The following SLC8A3 variants were observed in gnomAD, a reference collection of about 807,000 sequenced individuals.
The protein encoded by SLC8A3 is sodium/calcium exchanger 3.
In SLC8A3, 37 loss-of-function variants were observed where a neutral mutation model predicts 65.4. That is an observed-to-expected ratio of 0.57 (90% CI 0.44 to 0.74). SLC8A3 has a LOEUF of 0.74. SLC8A3 is among the 30% of genes least tolerant of loss of function. The pLI is 0.00. For synonymous variants in SLC8A3, 461 were observed against 444.5 expected, an observed-to-expected ratio of 1.04 and a Z score of -0.47; for missense variants, 1,112 against 1,172.1, an observed-to-expected ratio of 0.95 and a Z score of 0.75.
chr14:70,099,975 C>T (rs1334581945), intron 2 of SLC8A3, among the ~76,000 whole-genome samples: 1 of 152,198 alleles, frequency 6.6e-6, no homozygotes, highest in African/African-American at 2.4e-5. Flanking sequence ...CCTGTGCTGA[C>T]TTACCCATGG....
At position 70,105,654 on chromosome 14, in the gene SLC8A3, T is replaced by C. The variant is rs181323471; in HGVS notation, c.1785-44715A>G. On this transcript the variant is annotated intron_variant, in intron 2 of 6. Coordinates refer to ENST00000356921, the MANE Select transcript of SLC8A3 (RefSeq NM_182932.3). Reference sequence around the variant, plus strand: ...AAATAGTTTCTCTGGTATATTCTGTTGACCATCTCTGAAACAAATAATTTC... The same window carrying C: ...AAATAGTTTCTCTGGTATATTCTGTCGACCATCTCTGAAACAAATAATTTC... 1.8e-3 allele frequency among the ~76,000 whole-genome samples: 276 copies of C among 152,332 alleles called. 1 individual carries two copies. The highest frequency in any genetic ancestry group is 6.3e-3 in the African/African-American group (263 of 41,584).
intron 2 of SLC8A3, chr14:70,064,010 G>T: frequency 2.6e-6 from 2 of 765,140 alleles, no homozygotes; most frequent in Non-Finnish European, 4.5e-6. Flanking sequence ...GGGAAGAGAA[G>T]GAAACAGTTA....
At chr14:70,138,575 T>C (rs11158837) in intron 2 of SLC8A3, among the ~76,000 whole-genome samples, 23,450 of 152,196 alleles carry the variant, frequency 0.15, 1,934 homozygotes, top group African/African-American at 0.19. Flanking sequence ...CAACTATAAG[T>C]TCCTGGAAGG....
At chr14:70,093,625 C>T (rs371592237) in intron 2 of SLC8A3, among the ~76,000 whole-genome samples, 17 of 152,216 alleles carry the variant, frequency 1.1e-4, no homozygotes, top group East Asian at 9.6e-4. Context: ...AAACACATGA[C>T]ATAAGGCAGG....
intron 2 of SLC8A3, among the ~76,000 whole-genome samples, chr14:70,076,778 T>C (rs1220639575): frequency 6.6e-6 from 1 of 152,228 alleles, no homozygotes; most frequent in African/African-American, 2.4e-5. Flanking sequence ...TTCATTTATT[T>C]GGTTATGACT....
chr14:70,053,552 T>C (rs146841417), intron 3 of SLC8A3, among the ~76,000 whole-genome samples: 1 of 152,354 alleles, frequency 6.6e-6, no homozygotes, highest in African/African-American at 2.4e-5. Context: ...TTCCCCCATG[T>C]CATACTTTAC....
In SLC8A3 at chr14:70,167,691, A is replaced by G. The variant is rs201815993; in HGVS notation, c.732T>C (p.Cys244=). 1 of 1,614,196 alleles carries G rather than the reference A, an allele frequency of 6.2e-7. No homozygotes were observed. The highest frequency in any genetic ancestry group is 8.5e-7 in the Non-Finnish European group (1 of 1,180,012). ...TATCTGCCACCCAGGCCAGAAGGAC[A>G]CACACTGGAAAGAAGAAGAGAGTGA... The part of the protein sequence containing the change: ...GLLTLFFFPV[C]VLLAWVADKR... Residue 244 remains cysteine, a synonymous_variant, in exon 2 of 7, where the codon TGT becomes TGC. Transcript: ENST00000356921.
At chr14:70,189,162 C>G (rs756463817), upstream of SLC8A3, 1 of 152,130 alleles carries the variant, frequency 6.6e-6, no homozygotes, top group Non-Finnish European at 1.5e-5. Context: ...GTCGAGCCCG[C>G]ATCCCGCATC....
intron 2 of SLC8A3, among the ~76,000 whole-genome samples, chr14:70,084,971 A>G (rs1438528185): frequency 6.6e-6 from 1 of 152,234 alleles, no homozygotes; most frequent in Non-Finnish European, 1.5e-5. Context: ...GGAAGGATGG[A>G]AAAAGGCTTT....
chr14:70,172,096 A>T (rs1897581299), intron 1 of SLC8A3, among the ~76,000 whole-genome samples: 1 of 152,220 alleles, frequency 6.6e-6, no homozygotes, highest in Non-Finnish European at 1.5e-5. Context: ...CTGTGGTTCC[A>T]GAAGGCTATT....
chr14:70,164,987 TA>T (rs1454913082), intron 2 of SLC8A3, among the ~76,000 whole-genome samples: 1 of 152,220 alleles, frequency 6.6e-6, no homozygotes, highest in African/African-American at 2.4e-5. Context: ...AGAGCTCTAA[TA>T]AATCAATTTG....
At chr14:70,073,851 C>T (rs17107751) in intron 2 of SLC8A3, among the ~76,000 whole-genome samples, 3,748 of 152,288 alleles carry the variant, frequency 0.025, 147 homozygotes, top group African/African-American at 0.086. Flanking sequence ...GCAGTCAAAA[C>T]GCCCTGCCTT....
intron 2 of SLC8A3, among the ~76,000 whole-genome samples, chr14:70,123,987 A>G (rs1045405619): frequency 3.3e-5 from 5 of 152,176 alleles, no homozygotes; most frequent in Admixed American, 2.6e-4. Context: ...ATGAGTCAGA[A>G]GAATCCATAA....
At chr14:70,068,282 G>T (rs1213976596) in intron 2 of SLC8A3, among the ~76,000 whole-genome samples, 2 of 152,124 alleles carry the variant, frequency 1.3e-5, no homozygotes, top group African/African-American at 2.4e-5. Flanking sequence ...ATTGGAGGAG[G>T]CCTTCTTTAT....
In SLC8A3 at chr14:70,070,681, A is replaced by G. The variant is rs184514360; in HGVS notation, c.1785-9742T>C. ...TTCCATCAGGGAGATGAACTAGCTT[A>G]TAAGAGAGTGATCACCCCATTCCTG... On this transcript the variant is annotated intron_variant, in intron 2 of 6. Coordinates refer to ENST00000356921, the MANE Select transcript of SLC8A3 (RefSeq NM_182932.3). Among the ~76,000 whole-genome samples the G allele has an allele frequency of 4.5e-4, 69 of 152,294 alleles. 1 individual carries two copies. The East Asian group carries it at 0.013, about 29-fold the overall frequency.
At chr14:70,135,443 T>A (rs1247766370) in intron 2 of SLC8A3, among the ~76,000 whole-genome samples, 1 of 152,224 alleles carries the variant, frequency 6.6e-6, no homozygotes, top group Non-Finnish European at 1.5e-5. Flanking sequence ...TTCACTTCCA[T>A]GGTTATTGGA....
At chr14:70,123,052 G>T (rs1167067373) in intron 2 of SLC8A3, among the ~76,000 whole-genome samples, 1 of 129,886 alleles carries the variant, frequency 7.7e-6, no homozygotes, top group African/African-American at 3.0e-5. Flanking sequence ...AGCCTGGGGC[G>T]ACACAGCAAG....
At chr14:70,151,292 C>G (rs1896261343) in intron 2 of SLC8A3, among the ~76,000 whole-genome samples, 1 of 151,624 alleles carries the variant, frequency 6.6e-6, no homozygotes. Flanking sequence ...ATCAAGGAAC[C>G]AGGGCTATGG....
intron 2 of SLC8A3, among the ~76,000 whole-genome samples, chr14:70,157,092 G>A (rs1896615705): frequency 6.6e-6 from 1 of 152,186 alleles, no homozygotes; most frequent in African/African-American, 2.4e-5. Flanking sequence ...AGAGTCTATA[G>A]TGAGCTTGAT....
Sources: allele counts gnomAD v4.1 joint callset (sites outside exome capture counted in the v4.1 genomes callset), GRCh38; gene constraint gnomAD v4.1.1; transcripts MANE v1.5; gene names NCBI Gene and HGNC (gene_info 2026-07-23, HGNC 2026-07-21).